The following CENPE variants were observed in gnomAD, a reference collection of about 807,000 sequenced individuals.
CENPE encodes centromere-associated protein E.
Under a neutral mutation model 336.1 loss-of-function variants are expected in CENPE, and 145 were observed. That is an observed-to-expected ratio of 0.43 (90% CI 0.38 to 0.50). The LOEUF (loss-of-function observed/expected upper bound fraction) is 0.50. CENPE is among the 20% of genes least tolerant of loss of function. The pLI is 0.00. For synonymous variants in CENPE, 1,013 were observed against 984.8 expected, an observed-to-expected ratio of 1.03 and a Z score of -0.54; for missense variants, 2,719 against 3,023.3, an observed-to-expected ratio of 0.90 and a Z score of 2.36.
chr4:103,192,719 G>A (rs1757457746), intron 8 of CENPE, among the ~76,000 whole-genome samples: 1 of 152,110 alleles, frequency 6.6e-6, no homozygotes, highest in African/African-American at 2.4e-5. Context: ...CACTATGGTA[G>A]GAAGAAAATA....
In CENPE at chr4:103,157,579, G is replaced by A. The variant is rs550880459; in HGVS notation, c.3033+721C>T. ...AAATGGTGGTAGCCAGGGTCTGTGG[G>A]AAGGAAAACTGGGGAGCTGTTGCTC... On this transcript the variant is annotated intron_variant, in intron 24 of 48. Transcript: ENST00000265148. Among the ~76,000 whole-genome samples the A allele has an allele frequency of 2.0e-5, 3 of 152,066 alleles. No homozygotes were observed. In the South Asian group the frequency reaches 6.2e-4, roughly 31 times the overall value.
At chr4:103,114,607 G>A (rs1403062519) in intron 45 of CENPE, 55 bp from the exon 46 acceptor site, 1 of 1,089,680 alleles carries the variant, frequency 9.2e-7, no homozygotes, top group East Asian at 2.4e-5. Context: ...TTTTACAGGA[G>A]AATAAACAGA....
At chr4:103,132,368 G>T (rs1317725903) in intron 42 of CENPE, among the ~76,000 whole-genome samples, 1 of 152,180 alleles carries the variant, frequency 6.6e-6, no homozygotes, top group Non-Finnish European at 1.5e-5. Flanking sequence ...ACAGACTCAT[G>T]TCTTACGATC....
intron 28 of CENPE, 145 bp from the exon 29 acceptor site, chr4:103,147,791 T>G: frequency 1.5e-6 from 1 of 657,422 alleles, no homozygotes; most frequent in South Asian, 2.0e-5. Flanking sequence ...CCTCCTGGGT[T>G]CAAGAGATTC....
chr4:103,182,082 CTTT>C (rs869229169), intron 11 of CENPE: 2 of 142,462 alleles, frequency 1.4e-5, no homozygotes, highest in South Asian at 2.3e-4. Context: ...TTTTCCTTTC[CTTT>C]TTTTTTTTTT....
rs78195342 is a variant in CENPE at position 103,136,062 on chromosome 4, C to T, written c.6522+79G>A. ...TAAGAATACTAAATAGCAAATATGC[C>T]GGCACCTGAAGCAGGACTTAAATAC... On this transcript the variant is annotated intron_variant, in intron 40 of 48. Coordinates refer to ENST00000265148, the MANE Select transcript of CENPE (RefSeq NM_001813.3). 187 of 1,175,386 alleles carry T rather than the reference C, an allele frequency of 1.6e-4. 4 individuals are homozygous for T. In the East Asian group the frequency reaches 2.5e-3, roughly 16 times the overall value. The allele number at this position is 1,175,386 out of a possible 1,614,324, so 72.8% of individuals were successfully genotyped here. A position where few individuals can be genotyped will look rare whatever the true frequency, so the allele number is the denominator to read the frequency against.
At chr4:103,188,153 C>T (rs1346177834) in intron 8 of CENPE, among the ~76,000 whole-genome samples, 10 of 152,004 alleles carry the variant, frequency 6.6e-5, no homozygotes, top group East Asian at 5.8e-4. Context: ...AGCAAGTCCT[C>T]AGAGACCTAC....
chr4:103,116,445 C>T (rs1361446246), intron 45 of CENPE, 132 bp downstream of exon 45: 6 of 506,454 alleles, frequency 1.2e-5, no homozygotes, highest in Non-Finnish European at 2.1e-5. Flanking sequence ...TGGATGTGTA[C>T]ATTTTTAAAA....
intron 8 of CENPE, among the ~76,000 whole-genome samples, chr4:103,193,540 AAGAT>A (rs1380811748): frequency 6.6e-6 from 1 of 152,142 alleles, no homozygotes; most frequent in Non-Finnish European, 1.5e-5. Flanking sequence ...AATATGGTAA[AAGAT>A]AGAAAAGGAG....
chr4:103,145,494 C>G (rs1752961653), intron 31 of CENPE, 29 bp downstream of exon 31: 2 of 1,575,564 alleles, frequency 1.3e-6, no homozygotes, highest in South Asian at 1.2e-5. Context: ...CACCCATTTC[C>G]TCCCACTGTT....
chr4:103,145,789 C>T (rs764990252), intron 30 of CENPE, 40 bp downstream of exon 30: 6 of 1,550,916 alleles, frequency 3.9e-6, no homozygotes, highest in Non-Finnish European at 5.2e-6. Flanking sequence ...TATTTGGTTA[C>T]AAAATATTTT....
chr4:103,190,524 T>G (rs184107664), intron 8 of CENPE, among the ~76,000 whole-genome samples: 18 of 152,074 alleles, frequency 1.2e-4, no homozygotes, highest in Non-Finnish European at 1.5e-4. Context: ...ACAAACCTGA[T>G]AAAAACAAGA....
rs1291552207 is a variant in CENPE at position 103,194,667 on chromosome 4, A to G, written c.495T>C (p.Ala165=). 1.2e-5 allele frequency: 19 copies of G among 1,605,318 alleles called. No individual in the cohort carries two copies. Among genetic ancestry groups the G allele is most frequent in the Non-Finnish European group, 1.4e-5 (16 of 1,176,790 alleles). ...TATATACAACTTCTTCTGTGAGATC[A>G]GCAACATACACATTCCTCTGAAACA... is the stretch of plus-strand genomic sequence containing the variant. The part of the protein sequence containing the change: ...REDVNRNVYV[A]DLTEEVVYTS... Residue 165 remains alanine, a synonymous_variant, in exon 6 of 49, where the codon GCT becomes GCC. Transcript: ENST00000265148.
Position 103,168,011 on chromosome 4 carries a change from G to T in CENPE, c.1648-4458C>A, listed in dbSNP as rs139470270. ...TGCACAAGGACCCAGAAGGGAACAT[G>T]CCCATCTGAGCCACCAGGACAGGCT... On this transcript the variant is annotated intron_variant, in intron 16 of 48. Transcript: ENST00000265148. 3.5e-3 allele frequency among the ~76,000 whole-genome samples: 533 copies of T among 152,240 alleles called. 4 individuals carry two copies. The highest frequency in any genetic ancestry group is 0.012 in the African/African-American group (500 of 41,512).
intron 8 of CENPE, among the ~76,000 whole-genome samples, chr4:103,186,721 A>G (rs1222924517): frequency 1.3e-5 from 2 of 152,200 alleles, no homozygotes; most frequent in African/African-American, 2.4e-5. Flanking sequence ...ACATGTTGTG[A>G]TAAGTGTAAC....
intron 25 of CENPE, 79 bp downstream of exon 25, chr4:103,152,968 A>C (rs1341973760): frequency 4.0e-6 from 4 of 1,011,622 alleles, no homozygotes; most frequent in Non-Finnish European, 4.4e-6. Context: ...TATATAAATT[A>C]TACCTCAATA....
intron 46 of CENPE, among the ~76,000 whole-genome samples, chr4:103,112,782 GTATA>G (rs1253914808): frequency 2.4e-4 from 18 of 74,880 alleles, no homozygotes; most frequent in African/African-American, 1.1e-3. Flanking sequence ...GTATATAAGT[GTATA>G]TATATACTTA....
At chr4:103,191,753 C>T (rs560894966) in intron 8 of CENPE, among the ~76,000 whole-genome samples, 3 of 151,604 alleles carry the variant, frequency 2.0e-5, no homozygotes, top group South Asian at 4.2e-4. Flanking sequence ...ATGTAACAAA[C>T]GTGCATGTTG....
intron 9 of CENPE, among the ~76,000 whole-genome samples, chr4:103,183,632 A>G (rs1366025634): frequency 6.6e-6 from 1 of 152,184 alleles, no homozygotes; most frequent in African/African-American, 2.4e-5. Flanking sequence ...GCAACTATGA[A>G]CTTACAACCA....
Sources: allele counts gnomAD v4.1 joint callset (sites outside exome capture counted in the v4.1 genomes callset), GRCh38; gene constraint gnomAD v4.1.1; transcripts MANE v1.5; gene names NCBI Gene and HGNC (gene_info 2026-07-23, HGNC 2026-07-21).